SLCO1B3: variants seen among roughly 807,000 people sequenced by gnomAD.
The protein encoded by SLCO1B3 is solute carrier organic anion transporter family member 1B3.
SLCO1B3 carries 72 observed loss-of-function variants against 71.8 expected under a neutral mutation model. The observed-to-expected ratio is 1.00, with a 90% CI of 0.83 to 1.22. The LOEUF (loss-of-function observed/expected upper bound fraction) is 1.22. Among genes scored for constraint, SLCO1B3 ranks in the 50% most tolerant of loss-of-function variants. SLCO1B3 has a pLI of 0.00. For missense variants in SLCO1B3, 911 were observed against 819.7 expected, an observed-to-expected ratio of 1.11 and a Z score of -1.36; for synonymous variants, 298 against 278.4, an observed-to-expected ratio of 1.07 and a Z score of -0.70.
At chr12:20,902,017 A>G (rs1231020772) in intron 15 of SLCO1B3, 2 of 331,148 alleles carry the variant, frequency 6.0e-6, no homozygotes, top group East Asian at 2.2e-4. Context: ...TATATTGATC[A>G]ATATATAAAT....
intron 3 of SLCO1B3, among the ~76,000 whole-genome samples, chr12:20,849,774 T>C (rs1476981191): frequency 3.3e-5 from 5 of 150,322 alleles, no homozygotes. Context: ...ACACCGGGAA[T>C]AAGCATTGAA....
intron 3 of SLCO1B3, among the ~76,000 whole-genome samples, chr12:20,840,767 G>A (rs1039567322): frequency 1.3e-5 from 2 of 152,114 alleles, no homozygotes; most frequent in Non-Finnish European, 2.9e-5. Flanking sequence ...CTGAAGTTGG[G>A]TATTTCCTTT....
intron 3 of SLCO1B3, among the ~76,000 whole-genome samples, chr12:20,839,255 T>C (rs992685068): frequency 6.6e-6 from 1 of 151,948 alleles, no homozygotes; most frequent in South Asian, 2.1e-4. Flanking sequence ...TTTTCTGCAG[T>C]GTCTCTCTGT....
chr12:20,883,231 C>T (rs1384438229), intron 12 of SLCO1B3, among the ~76,000 whole-genome samples, 187 bp from the exon 13 acceptor site: 1 of 152,120 alleles, frequency 6.6e-6, no homozygotes, highest in Non-Finnish European at 1.5e-5. Context: ...GAATTTCATA[C>T]ACTAATTTCT....
intron 3 of SLCO1B3, among the ~76,000 whole-genome samples, chr12:20,824,021 T>C (rs567636660): frequency 1.3e-4 from 20 of 152,220 alleles, no homozygotes; most frequent in Non-Finnish European, 2.4e-4. Context: ...ATTAAACTTA[T>C]GCAAATAATT....
At chr12:20,867,221 A>G (rs1027152503) in intron 8 of SLCO1B3, among the ~76,000 whole-genome samples, 1 of 152,186 alleles carries the variant, frequency 6.6e-6, no homozygotes, top group African/African-American at 2.4e-5. Flanking sequence ...AAAGGATTGT[A>G]AATACTGTGG....
chr12:20,825,966 A>T (rs548319690), intron 3 of SLCO1B3, among the ~76,000 whole-genome samples: 88 of 152,246 alleles, frequency 5.8e-4, no homozygotes, highest in African/African-American at 2.1e-3. Flanking sequence ...ATAACGAATT[A>T]TTTTGATAAA....
intron 3 of SLCO1B3, among the ~76,000 whole-genome samples, chr12:20,820,986 T>G (rs1864292061): frequency 6.6e-6 from 1 of 151,980 alleles, no homozygotes; most frequent in Non-Finnish European, 1.5e-5. Flanking sequence ...GGGGAGGCGA[T>G]AAAAAGTTTA....
chr12:20,823,122 C>T (rs559821606), intron 3 of SLCO1B3, among the ~76,000 whole-genome samples: 2 of 152,218 alleles, frequency 1.3e-5, no homozygotes, highest in Admixed American at 1.3e-4. Context: ...AAGGAACAAT[C>T]CTGGAAAACT....
intron 13 of SLCO1B3, among the ~76,000 whole-genome samples, chr12:20,886,809 C>T (rs1865800211): frequency 6.6e-6 from 1 of 151,856 alleles, no homozygotes; most frequent in African/African-American, 2.4e-5. Context: ...TTAATGTTCC[C>T]ATCACCCGAA....
At chr12:20,831,520 C>T (rs1048037232) in intron 3 of SLCO1B3, among the ~76,000 whole-genome samples, 1 of 152,088 alleles carries the variant, frequency 6.6e-6, no homozygotes, top group Non-Finnish European at 1.5e-5. Flanking sequence ...TCAACAATCG[C>T]ATTACAACAA....
intron 3 of SLCO1B3, among the ~76,000 whole-genome samples, chr12:20,820,091 G>C (rs1179446671): frequency 6.6e-6 from 1 of 151,816 alleles, no homozygotes; most frequent in African/African-American, 2.4e-5. Flanking sequence ...AAGCCTGGCT[G>C]TCAATACCCA....
At chr12:20,854,339 T>A (rs1034792247) in intron 3 of SLCO1B3, among the ~76,000 whole-genome samples, 1 of 152,118 alleles carries the variant, frequency 6.6e-6, no homozygotes, top group Non-Finnish European at 1.5e-5. Context: ...CATTTTTCCT[T>A]CAGTTGTATC....
At chr12:20,899,326 AG>A (rs1264072364) in intron 14 of SLCO1B3, among the ~76,000 whole-genome samples, 1 of 152,154 alleles carries the variant, frequency 6.6e-6, no homozygotes, top group African/African-American at 2.4e-5. Flanking sequence ...AAGTAGGAAA[AG>A]GGCATCATTC....
intron 3 of SLCO1B3, among the ~76,000 whole-genome samples, chr12:20,851,845 C>A (rs372805187): frequency 3.3e-5 from 5 of 152,280 alleles, no homozygotes; most frequent in South Asian, 2.1e-4. Flanking sequence ...TGGTGTAAGA[C>A]AATGGGTCAA....
chr12:20,829,002 T>C (rs932168033), intron 3 of SLCO1B3, among the ~76,000 whole-genome samples: 1 of 152,186 alleles, frequency 6.6e-6, no homozygotes, highest in Admixed American at 6.5e-5. Flanking sequence ...TAATTTTTCT[T>C]TCCTTTTACA....
At chr12:20,887,308 G>A (rs567144587) in intron 13 of SLCO1B3, among the ~76,000 whole-genome samples, 50 of 152,064 alleles carry the variant, frequency 3.3e-4, no homozygotes, top group Admixed American at 5.9e-4. Context: ...GTTTTCCATA[G>A]AGGTTTTACT....
intron 3 of SLCO1B3, among the ~76,000 whole-genome samples, chr12:20,834,127 C>T (rs1197684896): frequency 7.1e-6 from 1 of 140,276 alleles, no homozygotes; most frequent in Non-Finnish European, 1.5e-5. Flanking sequence ...AGATATAATA[C>T]ATACATACAC....
At chr12:20,913,242 T>C (rs1280768306) in intron 15 of SLCO1B3, among the ~76,000 whole-genome samples, 1 of 152,096 alleles carries the variant, frequency 6.6e-6, no homozygotes, top group East Asian at 1.9e-4. Flanking sequence ...ACATTGTCCA[T>C]AGGTTCTTAG....
Sources: gnomAD v4.1 joint callset for allele counts (sites outside exome capture counted in the v4.1 genomes callset) on GRCh38, gnomAD v4.1.1 for gene constraint, MANE v1.5 for transcripts, NCBI Gene and HGNC (gene_info 2026-07-23, HGNC 2026-07-21) for gene names.